The following DGKG variants were observed in gnomAD, a reference collection of about 807,000 sequenced individuals.
DGKG encodes DAG kinase gamma.
DGKG carries 78 observed loss-of-function variants against 105.3 expected under a neutral mutation model. The observed-to-expected ratio is 0.74, with a 90% CI of 0.62 to 0.89. The LOEUF (loss-of-function observed/expected upper bound fraction) is 0.89, where lower values mean the gene tolerates loss of function less well. DGKG is among the 40% of genes least tolerant of loss of function. The pLI is 0.00. For synonymous variants in DGKG, 346 were observed against 367.1 expected (o/e 0.94, Z 0.66); for missense variants, 958 against 1,020.1 (o/e 0.94, Z 0.83).
Position 186,150,048 on chromosome 3 carries a change from T to G in DGKG, c.*42A>C. On this transcript the variant is annotated 3_prime_UTR_variant, in exon 25 of 25. Coordinates refer to ENST00000265022, the MANE Select transcript of DGKG (RefSeq NM_001346.3). Reference sequence around the variant, plus strand: ...TTGTGTGTGAGTGTGCATTATAGTTTCTTGCTTTCTCTCTTGGTTTAGCTG... The same window carrying G: ...TTGTGTGTGAGTGTGCATTATAGTTGCTTGCTTTCTCTCTTGGTTTAGCTG... 1 of 1,587,012 alleles carries G rather than the reference T, an allele frequency of 6.3e-7. No homozygotes were observed. The highest frequency in any genetic ancestry group is 8.6e-7 in the Non-Finnish European group (1 of 1,166,068).
intron 24 of DGKG, among the ~76,000 whole-genome samples, chr3:186,157,050 A>G (rs1329586248): frequency 1.3e-5 from 2 of 151,902 alleles, no homozygotes; most frequent in Non-Finnish European, 2.9e-5. Context: ...AAAATTTCCA[A>G]TGTTAAAAAT....
intron 14 of DGKG, among the ~76,000 whole-genome samples, chr3:186,263,818 G>A: frequency 6.6e-6 from 1 of 152,148 alleles, no homozygotes; most frequent in South Asian, 2.1e-4. Context: ...TCAGTGGAAG[G>A]ATACACCAAT....
At position 186,210,731 on chromosome 3, in the gene DGKG, G is replaced by A. The variant is rs1718997273; in HGVS notation, c.1917+1064C>T. The A allele has an allele frequency of 5.1e-6, 2 of 388,878 alleles. No individual in the cohort carries two copies. The highest frequency in any genetic ancestry group is 6.5e-5 in the Admixed American group (2 of 30,876). The allele number at this position is 388,878 out of a possible 1,614,324, so 24.1% of individuals were successfully genotyped here. A position where few individuals can be genotyped will look rare whatever the true frequency, so the allele number is the denominator to read the frequency against. On this transcript the variant is annotated intron_variant, in intron 21 of 24. Transcript: ENST00000265022. The surrounding 1 kb of genome is among the most constrained non-coding windows in gnomAD (Gnocchi z 5.2). The stretch of plus-strand genomic sequence containing the variant: ...GGCCCAGGCCCCACTGGACTGCAGT[G>A]CGGGCTTAGAGGCCAAGCTGGTGGG...
rs182750619 is a variant in DGKG at position 186,271,574 on chromosome 3, T to C, written c.999+681A>G. ...ATCACACTCAGAGCTATTAACCTAA[T>C]TCACAAATTCGATCACATCTTTATG... is the stretch of plus-strand genomic sequence containing the variant. On this transcript the variant is annotated intron_variant, in intron 11 of 24. Transcript: ENST00000265022. Among the ~76,000 whole-genome samples the C allele has an allele frequency of 4.5e-3, 685 of 152,272 alleles. 1 individual carries two copies. Among genetic ancestry groups the C allele is most frequent in the Non-Finnish European group, 7.5e-3 (507 of 68,030 alleles).
chr3:186,348,627 T>C (rs916001518), intron 1 of DGKG, among the ~76,000 whole-genome samples: 4 of 151,864 alleles, frequency 2.6e-5, no homozygotes, highest in African/African-American at 7.3e-5. Flanking sequence ...AATTTTTGTA[T>C]TTTTAGTAGA....
intron 11 of DGKG, among the ~76,000 whole-genome samples, chr3:186,272,045 G>A (rs879193221): frequency 2.0e-5 from 3 of 152,152 alleles, no homozygotes; most frequent in Non-Finnish European, 2.9e-5. Context: ...TACAACCTGT[G>A]TACCCCCTAG....
At chr3:186,199,755 G>A (rs1468074893) in intron 21 of DGKG, among the ~76,000 whole-genome samples, 1 of 151,594 alleles carries the variant, frequency 6.6e-6, no homozygotes, top group Non-Finnish European at 1.5e-5. Flanking sequence ...TCAGACAATC[G>A]GCCTGCCTCA....
At chr3:186,258,677 T>C (rs1262732841) in intron 16 of DGKG, among the ~76,000 whole-genome samples, 3 of 152,114 alleles carry the variant, frequency 2.0e-5, no homozygotes, top group African/African-American at 7.2e-5. Context: ...ACCACTGCCA[T>C]GCTCATCACT....
At chr3:186,311,258 T>C (rs1028437306) in intron 2 of DGKG, among the ~76,000 whole-genome samples, 9 of 152,222 alleles carry the variant, frequency 5.9e-5, no homozygotes, top group Non-Finnish European at 1.5e-5. Flanking sequence ...GATTTTATTG[T>C]TGTAAATGAA....
intron 7 of DGKG, chr3:186,281,345 A>G (rs748570860): frequency 6.6e-6 from 1 of 152,364 alleles, no homozygotes; most frequent in Non-Finnish European, 1.5e-5. Flanking sequence ...TTGATGACTG[A>G]GCCTTTTGGT....
chr3:186,286,593 C>G (rs1251050796), intron 6 of DGKG, among the ~76,000 whole-genome samples: 1 of 152,102 alleles, frequency 6.6e-6, no homozygotes, highest in Non-Finnish European at 1.5e-5. Context: ...GGATTTCAGG[C>G]TATTATTCCC....
At position 186,148,745 on chromosome 3, in the gene DGKG, T is replaced by G. The variant is rs1477290703; in HGVS notation, c.*1345A>C. The stretch of plus-strand genomic sequence containing the variant: ...CCCAGCAGGTCTTTCATGCTTGTTT[T>G]GAGGATCCAGAATAGGAGTTCTCGG... On this transcript the variant is annotated 3_prime_UTR_variant, in exon 25 of 25. Coordinates refer to ENST00000265022, the MANE Select transcript of DGKG (RefSeq NM_001346.3). 1 of 985,380 alleles carries G rather than the reference T, an allele frequency of 1.0e-6. No homozygotes were observed. Among genetic ancestry groups the G allele is most frequent in the African/African-American group, 1.7e-5 (1 of 57,196 alleles). The allele number at this position is 985,380 out of a possible 1,614,324, so 61.0% of individuals were successfully genotyped here.
At chr3:186,209,981 C>A (rs1397678799) in intron 21 of DGKG, among the ~76,000 whole-genome samples, 1 of 152,198 alleles carries the variant, frequency 6.6e-6, no homozygotes, top group East Asian at 1.9e-4. Context: ...AAGCTCCCAA[C>A]AACACCCTCC....
At chr3:186,214,335 G>A (rs988238202) in intron 20 of DGKG, among the ~76,000 whole-genome samples, 4 of 152,178 alleles carry the variant, frequency 2.6e-5, no homozygotes, top group African/African-American at 9.7e-5. Flanking sequence ...TAGTTGAAAA[G>A]TTAAATGAGA....
Position 186,300,554 on chromosome 3 carries a change from A to G in DGKG, c.145-2325T>C, listed in dbSNP as rs548627369. On this transcript the variant is annotated intron_variant, in intron 3 of 24. Coordinates refer to ENST00000265022, the MANE Select transcript of DGKG (RefSeq NM_001346.3). Reference sequence around the variant, plus strand: ...CTCTACTTTGATTTGACTGAATAATATGGCACTGTTCTTCATTAATTTATT... The same window carrying G: ...CTCTACTTTGATTTGACTGAATAATGTGGCACTGTTCTTCATTAATTTATT... 9.8e-5 allele frequency among the ~76,000 whole-genome samples: 15 copies of G among 152,294 alleles called. No homozygotes were observed. In the South Asian group the frequency reaches 2.5e-3, roughly 25 times the overall value.
chr3:186,360,145 T>C (rs1727160202), intron 1 of DGKG, among the ~76,000 whole-genome samples: 1 of 151,854 alleles, frequency 6.6e-6, no homozygotes, highest in Non-Finnish European at 1.5e-5. Context: ...CTGTTGATGG[T>C]GTTGTGTGGG....
chr3:186,324,388 T>C (rs1725234868), intron 1 of DGKG, among the ~76,000 whole-genome samples: 1 of 152,070 alleles, frequency 6.6e-6, no homozygotes, highest in South Asian at 2.1e-4. Context: ...GGTTAATATA[T>C]GCAACAAACA....
chr3:186,312,333 A>G (rs1578818758), intron 2 of DGKG, among the ~76,000 whole-genome samples: 1 of 152,170 alleles, frequency 6.6e-6, no homozygotes, highest in Non-Finnish European at 1.5e-5. Flanking sequence ...TAATGTGCGT[A>G]TGAGTCACAT....
chr3:186,160,428 T>C (rs1429266525), intron 24 of DGKG: 25 of 985,308 alleles, frequency 2.5e-5, no homozygotes, highest in Non-Finnish European at 2.9e-5. Context: ...ATTCCCTCTA[T>C]GCGTCCTAAC....
Sources: allele counts gnomAD v4.1 joint callset (sites outside exome capture counted in the v4.1 genomes callset), GRCh38; gene constraint gnomAD v4.1.1; non-coding constraint Gnocchi (gnomAD v3.1); transcripts MANE v1.5; gene names NCBI Gene and HGNC (gene_info 2026-07-23, HGNC 2026-07-21).